Variants in TENM3 observed in about 807,000 individuals in gnomAD.
TENM3 encodes the protein teneurin-3.
TENM3 carries 63 observed loss-of-function variants against 255.1 expected under a neutral mutation model. The observed-to-expected ratio is 0.25, with a 90% CI of 0.20 to 0.30. TENM3 has a LOEUF of 0.30. TENM3 is among the 10% of genes least tolerant of loss of function. TENM3 has a pLI of 1.00. For missense variants in TENM3, 2,929 were observed against 3,461.1 expected (o/e 0.85, Z 3.86); for synonymous variants, 1,306 against 1,322.3 (o/e 0.99, Z 0.27).
At chr4:181,890,004 G>T in the TENM3 span, among the ~76,000 whole-genome samples, 1 of 152,188 alleles carries the variant, frequency 6.6e-6, no homozygotes, top group Non-Finnish European at 1.5e-5. Flanking sequence ...CTAATCAAGA[G>T]AAGTCTTCAG....
the TENM3 span, among the ~76,000 whole-genome samples, chr4:181,511,663 C>A: frequency 6.6e-6 from 1 of 152,122 alleles, no homozygotes; most frequent in African/African-American, 2.4e-5. Context: ...TGCTTATTTA[C>A]TTGCCTACAT....
At chr4:182,594,181 G>T (rs150225537) in intron 3 of TENM3, among the ~76,000 whole-genome samples, 5 of 152,046 alleles carry the variant, frequency 3.3e-5, no homozygotes, top group East Asian at 1.9e-4. Flanking sequence ...GCATATTTTT[G>T]ATTTTTATTT....
At chr4:181,985,593 A>C in the TENM3 span, among the ~76,000 whole-genome samples, 1 of 152,290 alleles carries the variant, frequency 6.6e-6, no homozygotes, top group South Asian at 2.1e-4. Flanking sequence ...TAATTTCTGC[A>C]TTAGCTGAGC....
At chr4:181,886,427 T>A in the TENM3 span, among the ~76,000 whole-genome samples, 1 of 152,222 alleles carries the variant, frequency 6.6e-6, no homozygotes, top group African/African-American at 2.4e-5. Context: ...GAACTACAAA[T>A]GTATTTTAAT....
the TENM3 span, among the ~76,000 whole-genome samples, chr4:181,912,786 A>T: frequency 4.6e-5 from 7 of 151,884 alleles, no homozygotes; most frequent in Non-Finnish European, 1.0e-4. Context: ...AAAAAAAAAA[A>T]AGATTGTTGC....
At position 182,333,840 on chromosome 4, in the gene TENM3, G is replaced by T. The variant is rs141028867; in HGVS notation, c.232+9588G>T. Among the ~76,000 whole-genome samples the T allele has an allele frequency of 1.0e-3, 158 of 152,244 alleles. 1 individual carries two copies. Among genetic ancestry groups the T allele is most frequent in the Non-Finnish European group, 2.0e-3 (134 of 67,992 alleles). ...ATGTGTCTCTAGAAATTAAAAAAAA[G>T]GAATTTGAAGTGAATTTGGTATTTG... On this transcript the variant is annotated intron_variant, in intron 2 of 27. Transcript: ENST00000511685.
chr4:181,470,120 A>ACAAACAAAC, the TENM3 span, among the ~76,000 whole-genome samples: 5 of 21,316 alleles, frequency 2.3e-4, no homozygotes, highest in African/African-American at 4.5e-4. Context: ...AAAAAAAAAA[A>ACAAACAAAC]AAAAACATTA....
At chr4:182,059,808 C>T in the TENM3 span, among the ~76,000 whole-genome samples, 2 of 151,308 alleles carry the variant, frequency 1.3e-5, no homozygotes, top group African/African-American at 4.9e-5. Flanking sequence ...TAGTGCACAC[C>T]TGTAGTCCCA....
chr4:181,653,361 C>T, the TENM3 span, among the ~76,000 whole-genome samples: 1 of 152,150 alleles, frequency 6.6e-6, no homozygotes, highest in East Asian at 1.9e-4. Flanking sequence ...GGAAACCACT[C>T]TTGAGAAGTC....
At chr4:182,463,319 A>G (rs1346518140) in intron 3 of TENM3, among the ~76,000 whole-genome samples, 2 of 152,160 alleles carry the variant, frequency 1.3e-5, no homozygotes, top group African/African-American at 4.8e-5. Context: ...ATACCACGTA[A>G]TGAGAACTAT....
At chr4:181,636,277 TCGTGATCCACC>T in the TENM3 span, among the ~76,000 whole-genome samples, 3 of 152,086 alleles carry the variant, frequency 2.0e-5, no homozygotes, top group African/African-American at 7.2e-5. Flanking sequence ...TCTCTTGAAC[TCGTGATCCACC>T]CGCCTCGGCC....
At chr4:182,365,941 G>A (rs534184926) in intron 3 of TENM3, among the ~76,000 whole-genome samples, 49 of 152,176 alleles carry the variant, frequency 3.2e-4, no homozygotes, top group African/African-American at 1.2e-3. Flanking sequence ...AATGGTATTT[G>A]TGTATCTACA....
chr4:182,166,062 G>A (rs1256358724), intron 1 of TENM3, among the ~76,000 whole-genome samples: 1 of 152,186 alleles, frequency 6.6e-6, no homozygotes, highest in Non-Finnish European at 1.5e-5. Context: ...ACAGGCGTGA[G>A]CCACCGCACC....
chr4:182,795,240 C>T (rs1270813623), intron 26 of TENM3, among the ~76,000 whole-genome samples: 1 of 152,170 alleles, frequency 6.6e-6, no homozygotes, highest in Non-Finnish European at 1.5e-5. Flanking sequence ...TTTTTCAATA[C>T]ACATCTGCCT....
At chr4:182,513,797 A>G (rs1474595547) in intron 3 of TENM3, among the ~76,000 whole-genome samples, 1 of 152,168 alleles carries the variant, frequency 6.6e-6, no homozygotes, top group East Asian at 1.9e-4. Context: ...TCCAAAACAA[A>G]TGAATCAACC....
At chr4:182,347,510 T>C (rs1370083986) in intron 3 of TENM3, among the ~76,000 whole-genome samples, 1 of 152,156 alleles carries the variant, frequency 6.6e-6, no homozygotes, top group African/African-American at 2.4e-5. Context: ...AGTGTGGCCT[T>C]TAATGTTCTT....
chr4:181,564,040 C>CT, the TENM3 span, among the ~76,000 whole-genome samples: 4,063 of 79,736 alleles, frequency 0.051, 93 homozygotes, highest in Non-Finnish European at 0.06. Flanking sequence ...TTTCTTTTTT[C>CT]TTTTTTTTTT....
chr4:182,598,233 A>G (rs1208853325), intron 3 of TENM3, among the ~76,000 whole-genome samples: 1 of 152,206 alleles, frequency 6.6e-6, no homozygotes, highest in Non-Finnish European at 1.5e-5. Context: ...ACCCTATATC[A>G]TTCAGACTTT....
At chr4:182,729,237 C>A in intron 14 of TENM3, 56 bp downstream of exon 14, 2 of 1,426,038 alleles carry the variant, frequency 1.4e-6, no homozygotes, top group Non-Finnish European at 2.0e-6. Context: ...CAGTTACATA[C>A]ACTTATGTGA....
Sources: gnomAD v4.1 joint callset for allele counts (sites outside exome capture counted in the v4.1 genomes callset) on GRCh38, gnomAD v4.1.1 for gene constraint, MANE v1.5 for transcripts, NCBI Gene and HGNC (gene_info 2026-07-23, HGNC 2026-07-21) for gene names.